Variants in ZNF383 observed in about 807,000 individuals in gnomAD.
The protein encoded by ZNF383 is zinc finger protein 383.
Under a neutral mutation model 44.2 loss-of-function variants are expected in ZNF383, and 32 were observed. The ratio of observed to expected loss-of-function variants is 0.72; its 90% CI spans 0.55 to 0.97. The LOEUF (loss-of-function observed/expected upper bound fraction) is 0.97. Ranked by LOEUF, ZNF383 falls within the 50% of genes least tolerant of loss-of-function variation. ZNF383 has a pLI of 0.00. For synonymous variants in ZNF383, 155 were observed against 186.2 expected (o/e 0.83, Z 1.36); for missense variants, 487 against 562.5 (o/e 0.87, Z 1.36).
At chr19:37,234,955 CT>C (rs1250294721) in intron 3 of ZNF383, among the ~76,000 whole-genome samples, 6 of 152,040 alleles carry the variant, frequency 3.9e-5, no homozygotes, top group African/African-American at 1.4e-4. Flanking sequence ...ACCTTGGTTT[CT>C]TTTATTTGAA....
chr19:37,232,738 T>G (rs1973559169), intron 3 of ZNF383, among the ~76,000 whole-genome samples: 1 of 152,238 alleles, frequency 6.6e-6, no homozygotes, highest in South Asian at 2.1e-4. Context: ...GAAGAATGTT[T>G]GATTCTTTCC....
chr19:37,241,735 CTCCTG>C (rs1417753806), intron 5 of ZNF383, among the ~76,000 whole-genome samples: 3 of 152,088 alleles, frequency 2.0e-5, no homozygotes, highest in Non-Finnish European at 4.4e-5. Flanking sequence ...TAACAAAGAC[CTCCTG>C]TCAGGAAATT....
intron 5 of ZNF383, among the ~76,000 whole-genome samples, chr19:37,238,683 A>G (rs774124887): frequency 6.6e-6 from 1 of 152,200 alleles, no homozygotes; most frequent in Non-Finnish European, 1.5e-5. Flanking sequence ...TAGCAGGCTT[A>G]TGAGTGTTTG....
intron 2 of ZNF383, among the ~76,000 whole-genome samples, chr19:37,227,258 G>A (rs1973215719): frequency 6.6e-6 from 1 of 151,986 alleles, no homozygotes; most frequent in Non-Finnish European, 1.5e-5. Flanking sequence ...GGGATTACAG[G>A]CATGTACCAC....
At position 37,247,364 on chromosome 19, in the gene ZNF383, A is replaced by G. The variant is rs554834713; in HGVS notation, c.*3700A>G. The G allele has an allele frequency of 6.6e-6, 1 of 152,244 alleles. No homozygotes were observed. The highest frequency in any genetic ancestry group is 1.5e-5 in the Non-Finnish European group (1 of 68,038). 9.4% of individuals were successfully genotyped at this position (152,244 alleles called of 1,614,324 possible). A position where few individuals can be genotyped will look rare whatever the true frequency, so the allele number is the denominator to read the frequency against. On this transcript the variant is annotated 3_prime_UTR_variant, in exon 6 of 6. Transcript: ENST00000684119. ...GGATGACAAATAAACAATATTGTAT[A>G]TGAGAAATTGAAATGGCTATATATG... is the stretch of plus-strand genomic sequence containing the variant.
At chr19:37,234,003 T>C (rs1298586013) in intron 3 of ZNF383, among the ~76,000 whole-genome samples, 1 of 151,960 alleles carries the variant, frequency 6.6e-6, no homozygotes, top group Non-Finnish European at 1.5e-5. Flanking sequence ...TAGCTGGGAT[T>C]ACAGGCATGT....
chr19:37,241,229 A>G (rs961853049), intron 5 of ZNF383, among the ~76,000 whole-genome samples: 1 of 152,198 alleles, frequency 6.6e-6, no homozygotes, highest in African/African-American at 2.4e-5. Context: ...ACAGTCTTCC[A>G]TAGTACTGTC....
chr19:37,234,826 T>A (rs1311807227), intron 3 of ZNF383, among the ~76,000 whole-genome samples: 1 of 152,238 alleles, frequency 6.6e-6, no homozygotes, highest in Non-Finnish European at 1.5e-5. Flanking sequence ...ATCAGCATGA[T>A]CCTAACAGTT....
At chr19:37,241,926 A>AAT (rs1449603277) in intron 5 of ZNF383, among the ~76,000 whole-genome samples, 2 of 148,092 alleles carry the variant, frequency 1.4e-5, no homozygotes, top group African/African-American at 2.5e-5. Flanking sequence ...ATACTTATAT[A>AAT]GATATATGTA....
rs959530126 is a variant in ZNF383, at chr19:37,245,097, C to G, written c.*1433C>G. The G allele has an allele frequency of 6.6e-6, 1 of 152,110 alleles. No individual in the cohort carries two copies. The highest frequency in any genetic ancestry group is 2.0e-4 in the East Asian group (1 of 5,122). The allele number at this position is 152,110 out of a possible 1,614,324, so 9.4% of individuals were successfully genotyped here. ...CACAAGGTCTGAAGATTAAGGCCATCCTGGCTAACAGTGAAACCCCGTCTC... is the reference window on the plus strand; with the variant it reads ...CACAAGGTCTGAAGATTAAGGCCATGCTGGCTAACAGTGAAACCCCGTCTC... On this transcript the variant is annotated 3_prime_UTR_variant, in exon 6 of 6. Coordinates refer to ENST00000684119, the MANE Select transcript of ZNF383 (RefSeq NM_001387601.1).
intron 5 of ZNF383, among the ~76,000 whole-genome samples, chr19:37,237,616 C>G (rs555900254): frequency 6.6e-6 from 1 of 152,248 alleles, no homozygotes; most frequent in East Asian, 1.9e-4. Context: ...CAGCAGAATA[C>G]CTCACATCGA....
At chr19:37,235,128 C>A (rs893053976) in intron 3 of ZNF383, among the ~76,000 whole-genome samples, 1 of 152,024 alleles carries the variant, frequency 6.6e-6, no homozygotes, top group Non-Finnish European at 1.5e-5. Context: ...CAAAAATTAG[C>A]TAGGTGTGGT....
intron 1 of ZNF383, among the ~76,000 whole-genome samples, chr19:37,221,284 T>A (rs891777667): frequency 1.3e-5 from 2 of 152,108 alleles, no homozygotes; most frequent in African/African-American, 2.4e-5. Context: ...GTTTTAAAAG[T>A]ATAACATACA....
chr19:37,229,676 GTA>G lies in ZNF383; in HGVS notation c.-45-729_-45-728del, dbSNP rs1182745837. ...TATATATGTGTGTATATATATGTAT[GTA>G]TATGTGTGTGTATATATATGTATAT... On this transcript the variant is annotated intron_variant, in intron 2 of 5. Transcript: ENST00000684119. Among the ~76,000 whole-genome samples, 3 of 132,400 alleles carry G rather than the reference GTA, an allele frequency of 2.3e-5. No homozygotes were observed. The Admixed American group carries it at 2.4e-4, about 10-fold the overall frequency. The allele number at this position is 132,400 out of a possible 152,430, so 86.9% of individuals were successfully genotyped here. A position where few individuals can be genotyped will look rare whatever the true frequency, so the allele number is the denominator to read the frequency against.
intron 3 of ZNF383, among the ~76,000 whole-genome samples, chr19:37,233,525 G>T (rs559844944): frequency 1.3e-5 from 2 of 151,968 alleles, no homozygotes; most frequent in South Asian, 4.1e-4. Context: ...CGCCTCCCAG[G>T]TTCAAGCGAT....
chr19:37,242,052 ATATATACTATATAGATACTATATATAG>A (rs1974120274), intron 5 of ZNF383, among the ~76,000 whole-genome samples: 1 of 130 alleles, frequency 7.7e-3, no homozygotes, highest in African/African-American at 0.028. Context: ...TATAGATACT[ATATATACTATATAGATACTATATATAG>A]TATAGATACT....
Position 37,243,099 on chromosome 19 carries a change from G to C in ZNF383, c.863G>C (p.Gly288Ala). ...AAACCTTATGAATGTAAAGTATGTG[G>C]GAAAGCCTTTACTAAGAGCTCACAA... ...GEKPYECKVC[G>A]KAFTKSSQLF... is the part of the protein sequence containing the mutation. Residue 288 changes from glycine (G) to alanine (A), a missense_variant, in exon 6 of 6, where the codon GGG becomes GCG. Transcript: ENST00000684119. The C allele has an allele frequency of 6.2e-7, 1 of 1,614,062 alleles. No homozygotes were observed. The highest frequency in any genetic ancestry group is 8.5e-7 in the Non-Finnish European group (1 of 1,180,012).
intron 2 of ZNF383, among the ~76,000 whole-genome samples, chr19:37,226,882 G>A (rs926652339): frequency 3.3e-5 from 5 of 152,030 alleles, no homozygotes; most frequent in African/African-American, 1.2e-4. Flanking sequence ...GCAGTGGTAC[G>A]ATCTCAGCTC....
chr19:37,222,450 C>G (rs1167161293), intron 1 of ZNF383, among the ~76,000 whole-genome samples: 6 of 152,138 alleles, frequency 3.9e-5, no homozygotes, highest in Non-Finnish European at 8.8e-5. Flanking sequence ...CATCTCTGCT[C>G]ACCACAACCT....
Sources: gnomAD v4.1 joint callset for allele counts (sites outside exome capture counted in the v4.1 genomes callset) on GRCh38, gnomAD v4.1.1 for gene constraint, MANE v1.5 for transcripts, NCBI Gene and HGNC (gene_info 2026-07-23, HGNC 2026-07-21) for gene names.